Variants in CCDC148 observed in about 807,000 individuals in gnomAD.
The protein encoded by CCDC148 is coiled-coil domain containing 148, also known as coiled-coil domain-containing protein 148.
Under a neutral mutation model 85.7 loss-of-function variants are expected in CCDC148, and 89 were observed. That is an observed-to-expected ratio of 1.04 (90% CI 0.87 to 1.24). CCDC148 has a LOEUF of 1.24. Among genes scored for constraint, CCDC148 ranks in the 50% most tolerant of loss-of-function variants. CCDC148 has a pLI of 0.00. For missense variants in CCDC148, 692 were observed against 671.7 expected (o/e 1.03, Z -0.33); for synonymous variants, 230 against 213.9 (o/e 1.08, Z -0.66).
intron 9 of CCDC148, among the ~76,000 whole-genome samples, chr2:158,285,203 G>T (rs531738922): frequency 6.6e-6 from 1 of 150,984 alleles, no homozygotes; most frequent in African/African-American, 2.4e-5. Flanking sequence ...CAGGAGAATC[G>T]CTTGAACCTC....
chr2:158,172,238 G>GA lies in CCDC148; in HGVS notation c.1650dup (p.Arg551SerfsTer13). 6.2e-7 allele frequency: 1 copy of GA among 1,605,048 alleles called. No homozygotes were observed. The highest frequency in any genetic ancestry group is 8.5e-7 in the Non-Finnish European group (1 of 1,175,632). On this transcript the variant is annotated frameshift_variant, in exon 14 of 14. Coordinates refer to ENST00000283233, the MANE Select transcript of CCDC148 (RefSeq NM_138803.4). LOFTEE classifies it high-confidence loss of function. ...GCTTCTCGAAGTGCTAACTCGAAGC[G>GA]AAGTCTAGGGTCAGAAATTATCTGT...
chr2:158,329,945 A>C (rs1017319156), intron 7 of CCDC148, among the ~76,000 whole-genome samples: 4 of 152,192 alleles, frequency 2.6e-5, no homozygotes, highest in African/African-American at 9.7e-5. Context: ...AAAATATGTC[A>C]TCTGCAAACA....
chr2:158,361,954 A>C (rs1386462437), intron 1 of CCDC148, among the ~76,000 whole-genome samples: 1 of 151,792 alleles, frequency 6.6e-6, no homozygotes, highest in African/African-American at 2.4e-5. Flanking sequence ...CATAGGCTCA[A>C]AATAAAGGGA....
intron 11 of CCDC148, among the ~76,000 whole-genome samples, chr2:158,214,967 T>A (rs1487868840): frequency 6.6e-6 from 1 of 152,142 alleles, no homozygotes; most frequent in Admixed American, 6.5e-5. Flanking sequence ...AAATTTGACA[T>A]AAGAATAGCT....
In CCDC148 at chr2:158,316,173, C is replaced by G. The variant is rs548604481; in HGVS notation, c.765-2279G>C. Among the ~76,000 whole-genome samples, 21 of 152,298 alleles carry G rather than the reference C, an allele frequency of 1.4e-4. No homozygotes were observed. The South Asian group carries it at 4.3e-3, about 32-fold the overall frequency. ...CCTAAATTAATTTCTTTGATGATAT[C>G]TCATACTGAGTGGCAGTGCAAGATT... On this transcript the variant is annotated intron_variant, in intron 7 of 13. Transcript: ENST00000283233.
intron 3 of CCDC148, among the ~76,000 whole-genome samples, chr2:158,343,431 G>A (rs1349811911): frequency 2.6e-5 from 4 of 152,030 alleles, no homozygotes; most frequent in African/African-American, 9.7e-5. Flanking sequence ...TACTTTGTAG[G>A]GTCGTTGTAA....
intron 11 of CCDC148, among the ~76,000 whole-genome samples, chr2:158,209,829 G>A (rs1417684030): frequency 6.6e-6 from 1 of 152,014 alleles, no homozygotes; most frequent in Non-Finnish European, 1.5e-5. Flanking sequence ...AATACAGAAA[G>A]AAAAAACCGG....
intron 1 of CCDC148, among the ~76,000 whole-genome samples, chr2:158,381,137 A>G (rs1332350698): frequency 6.6e-6 from 1 of 152,202 alleles, no homozygotes; most frequent in Non-Finnish European, 1.5e-5. Context: ...AAGACCATCT[A>G]TTCATCCAAA....
chr2:158,362,007 A>AC (rs1313544408), intron 1 of CCDC148, among the ~76,000 whole-genome samples: 1 of 151,752 alleles, frequency 6.6e-6, no homozygotes, highest in Non-Finnish European at 1.5e-5. Flanking sequence ...AAAAAAAAAA[A>AC]AAAAAACAGC....
At chr2:158,433,440 A>G (rs1687473709) in intron 1 of CCDC148, among the ~76,000 whole-genome samples, 1 of 152,062 alleles carries the variant, frequency 6.6e-6, no homozygotes, top group South Asian at 2.1e-4. Context: ...AAAATATGCA[A>G]TGAATTTTTA....
chr2:158,305,040 A>C (rs898056603), intron 9 of CCDC148, among the ~76,000 whole-genome samples: 1 of 152,152 alleles, frequency 6.6e-6, no homozygotes, highest in African/African-American at 2.4e-5. Context: ...CAGAGTGCTC[A>C]CAAAAAAAAT....
chr2:158,213,152 C>T (rs1012071703), intron 11 of CCDC148, among the ~76,000 whole-genome samples: 18 of 152,160 alleles, frequency 1.2e-4, no homozygotes, highest in Non-Finnish European at 2.4e-4. Flanking sequence ...AATGGAATAA[C>T]AGCTGCTCTA....
intron 1 of CCDC148, among the ~76,000 whole-genome samples, chr2:158,413,157 A>G (rs1686340583): frequency 6.6e-6 from 1 of 152,148 alleles, no homozygotes; most frequent in Admixed American, 6.6e-5. Flanking sequence ...TTATCCCTAA[A>G]GTATTAAGAA....
chr2:158,343,080 T>A lies in CCDC148; in HGVS notation c.251+2135A>T, dbSNP rs1574656029. ...CTAGAGTGCAGTGGCTGTTCACGGG[T>A]GCAATCATAATGTACTGAAGACTTG... On this transcript the variant is annotated intron_variant, in intron 3 of 13. Coordinates refer to ENST00000283233, the MANE Select transcript of CCDC148 (RefSeq NM_138803.4). 2.0e-5 allele frequency among the ~76,000 whole-genome samples: 3 copies of A among 152,066 alleles called. No individual in the cohort carries two copies. In the South Asian group the frequency reaches 6.2e-4, roughly 32 times the overall value.
chr2:158,270,046 A>G (rs1409346993), intron 9 of CCDC148, among the ~76,000 whole-genome samples: 1 of 152,200 alleles, frequency 6.6e-6, no homozygotes, highest in Non-Finnish European at 1.5e-5. Context: ...AGCATGAGAT[A>G]TAAGATTGCA....
Position 158,338,716 on chromosome 2 carries a change from A to G in CCDC148, c.764+10T>C. Reference sequence around the variant, plus strand: ...AAAAGTCTACACAGGACTCAGTTTTATCTTATCACCTGTATATGTCTTCCA... The same window carrying G: ...AAAAGTCTACACAGGACTCAGTTTTGTCTTATCACCTGTATATGTCTTCCA... On this transcript the variant is annotated intron_variant, in intron 7 of 13. Transcript: ENST00000283233. 6.3e-7 allele frequency: 1 copy of G among 1,586,774 alleles called. No homozygotes were observed. Among genetic ancestry groups the G allele is most frequent in the Non-Finnish European group, 8.5e-7 (1 of 1,171,432 alleles).
At chr2:158,178,108 T>G (rs1423048083) in intron 12 of CCDC148, 6 of 152,136 alleles carry the variant, frequency 3.9e-5, no homozygotes, top group Admixed American at 2.0e-4. Flanking sequence ...CTGTTTCCAG[T>G]GCCGGTGAGT....
intron 1 of CCDC148, among the ~76,000 whole-genome samples, chr2:158,431,430 T>A (rs1434456536): frequency 6.7e-6 from 1 of 150,270 alleles, no homozygotes; most frequent in African/African-American, 2.4e-5. Flanking sequence ...TGTAAGAAAC[T>A]ATACAAGTCA....
At chr2:158,383,010 A>G (rs1433422374) in intron 1 of CCDC148, among the ~76,000 whole-genome samples, 1 of 152,038 alleles carries the variant, frequency 6.6e-6, no homozygotes, top group Non-Finnish European at 1.5e-5. Context: ...ATAAAAAATG[A>G]TGACATAGGC....
Sources: allele counts gnomAD v4.1 joint callset (sites outside exome capture counted in the v4.1 genomes callset), GRCh38; gene constraint gnomAD v4.1.1; transcripts MANE v1.5; gene names NCBI Gene and HGNC (gene_info 2026-07-23, HGNC 2026-07-21).